Variants in FRMPD3 observed in about 807,000 individuals in gnomAD.
The protein encoded by FRMPD3 is FERM and PDZ domain containing 3.
In FRMPD3, 42 loss-of-function variants were observed where a neutral mutation model predicts 97.9. The ratio of observed to expected loss-of-function variants is 0.43; its 90% CI spans 0.34 to 0.55. The LOEUF (loss-of-function observed/expected upper bound fraction) is 0.55. FRMPD3 is among the 20% of genes least tolerant of loss of function. The pLI is 0.03. For synonymous variants in FRMPD3, 577 were observed against 581.1 expected, an observed-to-expected ratio of 0.99 and a Z score of 0.10; for missense variants, 1,303 against 1,457.7, an observed-to-expected ratio of 0.89 and a Z score of 1.73.
At chrX:107,594,949 T>C (rs1302065829) in intron 13 of FRMPD3, among the ~76,000 whole-genome samples, 2 of 112,353 alleles carry the variant, frequency 1.8e-5, no homozygotes, top group African/African-American at 6.5e-5. Context: ...TGGTATGTGG[T>C]ATTTTCATTT....
chrX:107,489,272 T>TGTGAATAG (rs1459774149), intron 1 of FRMPD3, among the ~76,000 whole-genome samples: 240 of 110,170 alleles, frequency 2.2e-3, no homozygotes, highest in African/African-American at 7.7e-3. Context: ...TCTTTGCTAT[T>TGTGAATAG]GTGAATAGTG....
chrX:107,471,692 G>A (rs377011683), intron 1 of FRMPD3, among the ~76,000 whole-genome samples: 3 of 111,913 alleles, frequency 2.7e-5, no homozygotes, highest in East Asian at 2.8e-4. Flanking sequence ...TCTTTATCCG[G>A]TCTATCATTG....
intron 14 of FRMPD3, among the ~76,000 whole-genome samples, chrX:107,599,744 C>T (rs1317845108): frequency 8.9e-6 from 1 of 111,813 alleles, no homozygotes; most frequent in African/African-American, 3.3e-5. Flanking sequence ...TCTTTTGTTT[C>T]TGTTTTGGAT....
Position 107,603,580 on chromosome X carries a change from C to A in FRMPD3, c.*207C>A. The stretch of plus-strand genomic sequence containing the variant: ...GCTGCCGCCCTGGGTGTCCTCACCC[C>A]TTCCCTGGCCTCTGGGCCTCACTGT... On this transcript the variant is annotated 3_prime_UTR_variant, in exon 15 of 15. Coordinates refer to ENST00000683843, the MANE Select transcript of FRMPD3 (RefSeq NM_001388459.1). 1 of 728,538 alleles carries A rather than the reference C, an allele frequency of 1.4e-6. No individual in the cohort carries two copies. The highest frequency in any genetic ancestry group is 1.9e-6 in the Non-Finnish European group (1 of 529,593). 60.0% of individuals were successfully genotyped at this position (728,538 alleles called of 1,213,427 possible). A position where few individuals can be genotyped will look rare whatever the true frequency, so the allele number is the denominator to read the frequency against.
At chrX:107,576,242 C>T (rs1307996775) in intron 12 of FRMPD3, 73 bp from the exon 13 acceptor site, 2 of 1,110,934 alleles carry the variant, frequency 1.8e-6, no homozygotes, top group Non-Finnish European at 2.4e-6. Flanking sequence ...CTTTTGCTAG[C>T]TACCATGCCT....
At chrX:107,562,756 A>T (rs1249234687) in intron 10 of FRMPD3, among the ~76,000 whole-genome samples, 1 of 112,344 alleles carries the variant, frequency 8.9e-6, no homozygotes, top group Non-Finnish European at 1.9e-5. Flanking sequence ...CAGCTGGGGA[A>T]TGACCAGCAT....
chrX:107,549,592 T>C (rs1405861813), intron 5 of FRMPD3, among the ~76,000 whole-genome samples: 1 of 111,437 alleles, frequency 9.0e-6, no homozygotes, highest in African/African-American at 3.3e-5. Flanking sequence ...AGCAAAGGCC[T>C]TGACAGGACG....
At chrX:107,495,668 T>A (rs752565699) in intron 1 of FRMPD3, among the ~76,000 whole-genome samples, 63 of 111,404 alleles carry the variant, frequency 5.7e-4, no homozygotes, top group Middle Eastern at 4.7e-3. Context: ...TGTGACTTCA[T>A]GGGTAAGAAG....
chrX:107,489,471 A>G (rs1488482666), intron 1 of FRMPD3, among the ~76,000 whole-genome samples: 3 of 111,365 alleles, frequency 2.7e-5, no homozygotes, highest in South Asian at 3.8e-4. Flanking sequence ...AAGTGTTCCT[A>G]TTTCTCCACA....
intron 1 of FRMPD3, among the ~76,000 whole-genome samples, chrX:107,496,429 T>C (rs1304093722): frequency 5.4e-5 from 6 of 111,943 alleles, no homozygotes; most frequent in African/African-American, 2.0e-4. Context: ...GACGGCTCCA[T>C]GTACACATTC....
chrX:107,495,435 G>A (rs1921751033), intron 1 of FRMPD3, among the ~76,000 whole-genome samples: 1 of 112,190 alleles, frequency 8.9e-6, no homozygotes. Context: ...TAGAATGCAA[G>A]CTCCATTAGG....
intron 8 of FRMPD3, among the ~76,000 whole-genome samples, chrX:107,557,578 T>C (rs1922130600): frequency 9.3e-6 from 1 of 107,068 alleles, no homozygotes; most frequent in Admixed American, 1.0e-4. Context: ...TTTTTCTAGA[T>C]GTTTTATCAT....
chrX:107,485,069 T>G (rs965884994), intron 1 of FRMPD3, among the ~76,000 whole-genome samples: 11 of 112,666 alleles, frequency 9.8e-5, no homozygotes, highest in African/African-American at 3.5e-4. Context: ...GTATCAGAAA[T>G]GTCTGTTTCC....
At chrX:107,538,173 G>A (rs907103737) in intron 4 of FRMPD3, among the ~76,000 whole-genome samples, 1 of 111,429 alleles carries the variant, frequency 9.0e-6, no homozygotes, top group Non-Finnish European at 1.9e-5. Context: ...GAAGCTACTA[G>A]GATGAGTTGT....
rs1182199397 is a variant in FRMPD3, at chrX:107,604,423, AAAG to A, written c.*1054_*1056del. 9.1e-6 allele frequency: 1 copy of A among 110,196 alleles called. No homozygotes were observed. Among genetic ancestry groups the A allele is most frequent in the Non-Finnish European group, 1.9e-5 (1 of 52,660 alleles). The allele number at this position is 110,196 out of a possible 1,213,427, so 9.1% of individuals were successfully genotyped here. ...ACCCTGTGGATTTGTCTCTCTAAGA[AAAG>A]AAGCTGAGCGCCTTACCCGGTGCAG... On this transcript the variant is annotated 3_prime_UTR_variant, in exon 15 of 15. Transcript: ENST00000683843.
intron 8 of FRMPD3, among the ~76,000 whole-genome samples, chrX:107,558,196 G>T (rs987657339): frequency 1.8e-5 from 2 of 110,630 alleles, no homozygotes; most frequent in African/African-American, 6.6e-5. Flanking sequence ...TTCCTCAGCA[G>T]TATTTTGTAG....
intron 1 of FRMPD3, among the ~76,000 whole-genome samples, chrX:107,512,824 AGG>A (rs1922201817): frequency 8.9e-6 from 1 of 112,276 alleles, no homozygotes; most frequent in Non-Finnish European, 1.9e-5. Flanking sequence ...CTAAAACGCA[AGG>A]ATCTCCCCAC....
intron 4 of FRMPD3, among the ~76,000 whole-genome samples, chrX:107,538,093 G>T (rs773695118): frequency 9.0e-6 from 1 of 111,645 alleles, no homozygotes; most frequent in South Asian, 3.8e-4. Context: ...GCACCTGTGA[G>T]TGGAGTGGCC....
intron 1 of FRMPD3, chrX:107,522,498 G>A (rs1922540513): frequency 1.8e-6 from 1 of 541,029 alleles, no homozygotes; most frequent in Non-Finnish European, 3.3e-6. Flanking sequence ...GTGGGAGCAG[G>A]TAGGGGGTGC....
Sources: allele counts gnomAD v4.1 joint callset (sites outside exome capture counted in the v4.1 genomes callset), GRCh38; gene constraint gnomAD v4.1.1; transcripts MANE v1.5; gene names NCBI Gene and HGNC (gene_info 2026-07-23, HGNC 2026-07-21).